NEK4: variants seen among roughly 807,000 people sequenced by gnomAD.
NEK4 encodes the protein serine/threonine-protein kinase Nek4.
A neutral mutation model predicts 98.4 loss-of-function variants in NEK4; 86 were observed. The ratio of observed to expected loss-of-function variants is 0.87; its 90% confidence interval spans 0.73 to 1.05. The LOEUF is 1.05. NEK4 is among the 50% of genes least tolerant of loss of function. The pLI, the probability that NEK4 is intolerant of heterozygous loss-of-function variation, is 0.00. For synonymous variants in NEK4, 328 were observed against 342.2 expected (o/e 0.96, Z 0.46); for missense variants, 898 against 950.3 (o/e 0.94, Z 0.72).
Position 52,770,865 on chromosome 3 carries a change from C to A in NEK4, c.-119G>T. 1.2e-6 allele frequency: 1 copy of A among 825,876 alleles called. No homozygotes were observed. The allele number at this position is 825,876 out of a possible 1,614,324, so 51.2% of individuals were successfully genotyped here. ...CAGTGGGGGCGGCTGTTGAGGCAGC[C>A]GGGCCCGGGCGGGATTGCTGGGGCC... On this transcript the variant is annotated 5_prime_UTR_variant, in exon 1 of 16. Transcript: ENST00000233027.
intron 1 of NEK4, among the ~76,000 whole-genome samples, chr3:52,769,483 C>T (rs908026682): frequency 1.4e-4 from 22 of 152,202 alleles, no homozygotes; most frequent in African/African-American, 5.1e-4. Context: ...TTCATTTCTT[C>T]AACACATAGA....
intron 12 of NEK4, chr3:52,743,090 G>C (rs2097389545): frequency 5.9e-6 from 2 of 337,660 alleles, no homozygotes; most frequent in African/African-American, 4.2e-5. Context: ...AGGCCAGGAA[G>C]TCCTGTTAAG....
At chr3:52,729,218 G>C (rs576128728) in intron 15 of NEK4, among the ~76,000 whole-genome samples, 11 of 151,930 alleles carry the variant, frequency 7.2e-5, no homozygotes, top group Non-Finnish European at 1.3e-4. Context: ...TGGGCATCAC[G>C]GTCCTACTGA....
chr3:52,761,346 T>C lies in NEK4; in HGVS notation c.822-410A>G, dbSNP rs377568794. 6.6e-5 allele frequency among the ~76,000 whole-genome samples: 10 copies of C among 152,336 alleles called. No homozygotes were observed. In the East Asian group the frequency reaches 9.6e-4, roughly 15 times the overall value. ...CAGGCTAGAGTGTAGTGGCGTGATC[T>C]CAGCTCACTGCAACCTCCGCTGCCC... On this transcript the variant is annotated intron_variant, in intron 5 of 15. Transcript: ENST00000233027.
At chr3:52,714,625 C>A (rs947491415) in intron 15 of NEK4, among the ~76,000 whole-genome samples, 2 of 152,218 alleles carry the variant, frequency 1.3e-5, no homozygotes, top group Admixed American at 6.5e-5. Context: ...GAGCCCACTG[C>A]CCTGGAGGTT....
chr3:52,746,039 T>C (rs1157189237), intron 10 of NEK4, 22 bp downstream of exon 10: 1 of 1,609,634 alleles, frequency 6.2e-7, no homozygotes, highest in East Asian at 2.2e-5. Context: ...TTTTTAAAAA[T>C]CCAGCATATG....
intron 15 of NEK4, among the ~76,000 whole-genome samples, chr3:52,714,352 C>T (rs1004654985): frequency 6.6e-6 from 1 of 152,256 alleles, no homozygotes; most frequent in Non-Finnish European, 1.5e-5. Context: ...ACGGGCCATC[C>T]GGAGCAGCCG....
rs755586822 is a variant in NEK4, at chr3:52,709,399, G to A, written c.*2378C>T. On this transcript the variant is annotated 3_prime_UTR_variant, in exon 16 of 16. Coordinates refer to ENST00000233027, the MANE Select transcript of NEK4 (RefSeq NM_003157.6). The stretch of plus-strand genomic sequence containing the variant: ...TAAACAAAATAAAAATATACAGTAT[G>A]GTAATTAATAAGAAAGTATGGGGGA... 4.6e-5 allele frequency: 7 copies of A among 151,974 alleles called. No homozygotes were observed. The highest frequency in any genetic ancestry group is 8.8e-5 in the Non-Finnish European group (6 of 67,980). The allele number at this position is 151,974 out of a possible 1,614,324, so 9.4% of individuals were successfully genotyped here.
chr3:52,739,007 CAAATG>C (rs2097381082), intron 14 of NEK4, among the ~76,000 whole-genome samples: 1 of 152,152 alleles, frequency 6.6e-6, no homozygotes, highest in South Asian at 2.1e-4. Flanking sequence ...TGGAGATATG[CAAATG>C]AAATAATTTT....
chr3:52,726,106 G>T (rs988019471), intron 15 of NEK4, among the ~76,000 whole-genome samples: 1 of 152,046 alleles, frequency 6.6e-6, no homozygotes, highest in African/African-American at 2.4e-5. Flanking sequence ...TTAAAAAAAG[G>T]TTACAAGAGA....
At chr3:52,743,054 G>A (rs1240657618) in intron 12 of NEK4, among the ~76,000 whole-genome samples, 1 of 152,200 alleles carries the variant, frequency 6.6e-6, no homozygotes, top group Non-Finnish European at 1.5e-5. Context: ...CAAAGTGCTA[G>A]TATTATAAGC....
chr3:52,766,878 C>T (rs1423793490), intron 2 of NEK4, among the ~76,000 whole-genome samples: 2 of 151,846 alleles, frequency 1.3e-5, no homozygotes, highest in Non-Finnish European at 2.9e-5. Flanking sequence ...CCCAGCTACT[C>T]GGGACGCTGA....
intron 5 of NEK4, among the ~76,000 whole-genome samples, chr3:52,761,295 T>C (rs1053036383): frequency 6.6e-6 from 1 of 152,140 alleles, no homozygotes; most frequent in African/African-American, 2.4e-5. Flanking sequence ...TTTTAAAAAA[T>C]TGAGACAGAG....
Position 52,729,687 on chromosome 3 carries a change from G to A in NEK4, c.2433+7899C>T, listed in dbSNP as rs563504765. On this transcript the variant is annotated intron_variant, in intron 15 of 15. Transcript: ENST00000233027. ...CATGCCACTGCACTCTAGCCTGGGC[G>A]GCTGAGCAAGACTCTGTGTCTCAAA... is the stretch of plus-strand genomic sequence containing the variant. 1.7e-4 allele frequency among the ~76,000 whole-genome samples: 26 copies of A among 149,752 alleles called. No homozygotes were observed. The East Asian group carries it at 4.5e-3, about 26-fold the overall frequency.
rs555648579 is a variant in NEK4, at chr3:52,751,831, A to G, written c.1368+101T>C. The G allele has an allele frequency of 8.7e-4, 989 of 1,143,112 alleles. 4 individuals carry two copies. The highest frequency in any genetic ancestry group is 1.1e-3 in the Non-Finnish European group (841 of 800,548). 70.8% of individuals were successfully genotyped at this position (1,143,112 alleles called of 1,614,324 possible). On this transcript the variant is annotated intron_variant, in intron 7 of 15. Coordinates refer to ENST00000233027, the MANE Select transcript of NEK4 (RefSeq NM_003157.6). ...CTTCTATGTTTAAACTGATACATAG[A>G]ATTACTGATTTTCCTAAAATGACAA...
rs532766711 is a variant in NEK4 at position 52,711,409 on chromosome 3, CTACAT to C, written c.*363_*367del. 31 of 159,662 alleles carry C rather than the reference CTACAT, an allele frequency of 1.9e-4. No individual in the cohort carries two copies. The highest frequency in any genetic ancestry group is 5.5e-4 in the African/African-American group (23 of 41,800). The allele number at this position is 159,662 out of a possible 1,614,324, so 9.9% of individuals were successfully genotyped here. A position where few individuals can be genotyped will look rare whatever the true frequency, so the allele number is the denominator to read the frequency against. On this transcript the variant is annotated 3_prime_UTR_variant, in exon 16 of 16. Transcript: ENST00000233027. Reference sequence around the variant, plus strand: ...TTTGTTTCTCCTACTGCTTTTATCTCTACATTACAATATAAAATTTTCAATCCAGC... The same window carrying C: ...TTTGTTTCTCCTACTGCTTTTATCTCTACAATATAAAATTTTCAATCCAGC...
chr3:52,754,795 C>T (rs1376731326), intron 6 of NEK4: 2 of 322,362 alleles, frequency 6.2e-6, no homozygotes, highest in East Asian at 7.2e-5. Flanking sequence ...AACTGTGGGC[C>T]GGGCACCGTG....
At chr3:52,714,779 T>C (rs995243241) in intron 15 of NEK4, among the ~76,000 whole-genome samples, 7 of 152,214 alleles carry the variant, frequency 4.6e-5, no homozygotes, top group African/African-American at 1.4e-4. Context: ...CTGTTCCCAC[T>C]GCCTGGCCTC....
Position 52,743,409 on chromosome 3 carries a change from C to T in NEK4, c.1947G>A (p.Gln649=). Residue 649 remains glutamine (Q), a synonymous_variant, in exon 12 of 16, where the codon CAG becomes CAA. Coordinates refer to ENST00000233027, the MANE Select transcript of NEK4 (RefSeq NM_003157.6). ...GGGCAGGCAAGGGCTGGTCTTCTTC[C>T]TGGGGTTTTCCTGGCCCTGCTACAC... ...SLSVAGPGKP[Q]EEDQPLPARR... is the part of the protein sequence containing the mutation. The T allele has an allele frequency of 6.2e-7, 1 of 1,614,158 alleles. No individual in the cohort carries two copies. The highest frequency in any genetic ancestry group is 8.5e-7 in the Non-Finnish European group (1 of 1,180,006).
Sources: allele counts gnomAD v4.1 joint callset (sites outside exome capture counted in the v4.1 genomes callset), GRCh38; gene constraint gnomAD v4.1.1; transcripts MANE v1.5; gene names NCBI Gene and HGNC (gene_info 2026-07-23, HGNC 2026-07-21).